The following BIRC6 variants were observed in gnomAD, a reference collection of about 807,000 sequenced individuals.
The protein encoded by BIRC6 is dual E2 ubiquitin-conjugating enzyme/E3 ubiquitin-protein ligase BIRC6.
Under a neutral mutation model 503.3 loss-of-function variants are expected in BIRC6, and 98 were observed. The observed-to-expected ratio is 0.19, with a 90% confidence interval of 0.17 to 0.23. BIRC6 has a LOEUF of 0.23. BIRC6 is among the 10% of genes least tolerant of loss of function. BIRC6 has a pLI of 1.00. For missense variants in BIRC6, 5,360 were observed against 5,806.0 expected (o/e 0.92, Z 2.50); for synonymous variants, 2,240 against 2,078.7 (o/e 1.08, Z -2.11).
intron 23 of BIRC6, among the ~76,000 whole-genome samples, 200 bp from the exon 24 acceptor site, chr2:32,462,994 T>A: frequency 6.6e-6 from 1 of 151,836 alleles, no homozygotes; most frequent in East Asian, 1.9e-4. Flanking sequence ...ATTTCCTAGA[T>A]CTTGAATGAT....
chr2:32,596,906 A>G (rs1446582524), intron 68 of BIRC6, among the ~76,000 whole-genome samples: 2 of 152,194 alleles, frequency 1.3e-5, no homozygotes, highest in Non-Finnish European at 2.9e-5. Context: ...TAAAGTTACT[A>G]CCTGTCAGAA....
intron 61 of BIRC6, among the ~76,000 whole-genome samples, chr2:32,541,769 T>C (rs1340878122): frequency 6.6e-6 from 1 of 152,122 alleles, no homozygotes; most frequent in East Asian, 1.9e-4. Context: ...TTGGAGTTTT[T>C]CTTTGAATTA....
chr2:32,411,629 C>A (rs2041897352), intron 9 of BIRC6, among the ~76,000 whole-genome samples: 1 of 151,586 alleles, frequency 6.6e-6, no homozygotes, highest in African/African-American at 2.4e-5. Context: ...AGGCATGTAC[C>A]ACCATGCCTG....
Position 32,531,989 on chromosome 2 carries a change from C to T in BIRC6, c.12291+438C>T, listed in dbSNP as rs144822936. On this transcript the variant is annotated intron_variant, in intron 61 of 73. Transcript: ENST00000421745. ...GGTGGTTTAAAAACATGACCTATTC[C>T]CGTGTTCATTTACGAAGCTGTCAAT... Among the ~76,000 whole-genome samples the T allele has an allele frequency of 2.4e-3, 360 of 152,230 alleles. 1 individual carries two copies. Among genetic ancestry groups the T allele is most frequent in the African/African-American group, 8.4e-3 (348 of 41,526 alleles).
intron 8 of BIRC6, among the ~76,000 whole-genome samples, chr2:32,403,369 A>G (rs1272969830): frequency 6.6e-6 from 1 of 152,242 alleles, no homozygotes; most frequent in Non-Finnish European, 1.5e-5. Flanking sequence ...TAAAGTAATT[A>G]GCAATATAGT....
rs1382614424 is a variant in BIRC6 at position 32,388,838 on chromosome 2, A to G, written c.734A>G (p.Asn245Ser). 1 of 1,613,518 alleles carries G rather than the reference A, an allele frequency of 6.2e-7. No individual in the cohort carries two copies. Among genetic ancestry groups the G allele is most frequent in the Non-Finnish European group, 8.5e-7 (1 of 1,179,638 alleles). Residue 245 changes from asparagine to serine, a missense_variant, in exon 4 of 74, where the codon AAT becomes AGT. Physicochemically the swap from Asn to Ser is conservative, Grantham distance 46. Coordinates refer to ENST00000421745, the MANE Select transcript of BIRC6 (RefSeq NM_016252.4). ...IVNELKKINQ[N>S]VAALPVASSV... The stretch of plus-strand genomic sequence containing the variant: ...AATGAACTCAAGAAAATAAATCAAA[A>G]TGTTGCTGCCTTACCTGTGGCGTCC...
Position 32,499,970 on chromosome 2 carries a change from A to C in BIRC6, c.8892A>C (p.Lys2964Asn). 6.2e-7 allele frequency: 1 copy of C among 1,614,028 alleles called. No homozygotes were observed. The highest frequency in any genetic ancestry group is 8.5e-7 in the Non-Finnish European group (1 of 1,179,886). The change falls in exon 46 of 74, where the codon AAA becomes AAC. Residue 2964 changes from lysine to asparagine, a missense_variant. Physicochemically the swap from Lys to Asn is moderately conservative, Grantham distance 94. Around this residue, in one of 16 missense-constraint regions of BIRC6, gnomAD observed 2,299 missense variants for 2,267.2 expected, o/e 1.01. Transcript: ENST00000421745. ...ATGAAGAAAAAGTCTCAGGAGGCAA[A>C]GATGGCAATGGAAGCAGTACCAGTG... ...VSDEEKVSGG[K>N]DGNGSSTSVQ...
intron 45 of BIRC6, among the ~76,000 whole-genome samples, chr2:32,498,330 G>GC (rs2052735632): frequency 6.6e-6 from 1 of 152,150 alleles, no homozygotes; most frequent in Non-Finnish European, 1.5e-5. Context: ...GGCATTACAG[G>GC]CATGAGCCAC....
chr2:32,566,615 A>C (rs763004407), intron 65 of BIRC6, among the ~76,000 whole-genome samples: 10 of 152,032 alleles, frequency 6.6e-5, no homozygotes, highest in Non-Finnish European at 1.5e-4. Flanking sequence ...CAGCCTTCCA[A>C]ATCCTGGGAT....
intron 22 of BIRC6, among the ~76,000 whole-genome samples, chr2:32,452,795 G>T (rs2046858870): frequency 6.6e-6 from 1 of 152,002 alleles, no homozygotes; most frequent in African/African-American, 2.4e-5. Flanking sequence ...CACTAACATA[G>T]AATATAGTCT....
intron 66 of BIRC6, among the ~76,000 whole-genome samples, chr2:32,580,940 C>T (rs889938381): frequency 6.6e-6 from 1 of 152,164 alleles, no homozygotes; most frequent in Non-Finnish European, 1.5e-5. Flanking sequence ...GGATCTCCTT[C>T]AATAGAGTAC....
intron 61 of BIRC6, among the ~76,000 whole-genome samples, chr2:32,539,847 C>G (rs2057522246): frequency 6.6e-6 from 1 of 151,884 alleles, no homozygotes; most frequent in African/African-American, 2.4e-5. Context: ...CAAAGAGAAA[C>G]AAGAAAGTCG....
intron 42 of BIRC6, among the ~76,000 whole-genome samples, chr2:32,489,144 A>G (rs143131851): frequency 0.014 from 2,063 of 152,078 alleles, 17 homozygotes; most frequent in Non-Finnish European, 0.02. Context: ...AAATATGAGT[A>G]TGGGAATGGT....
At position 32,397,582 on chromosome 2, in the gene BIRC6, GT is replaced by G. The variant is rs1573924147; in HGVS notation, c.1034+1990del. Among the ~76,000 whole-genome samples the G allele has an allele frequency of 4.1e-5, 6 of 145,098 alleles. No homozygotes were observed. The East Asian group carries it at 1.2e-3, about 29-fold the overall frequency. On this transcript the variant is annotated intron_variant, in intron 6 of 73. Transcript: ENST00000421745. Reference sequence around the variant, plus strand: ...GTCTTTCCCCGTAAAGGCTGTGTGTGTGTGTGTGTGTGTGTGTGTGTGTATA... The same window carrying G: ...GTCTTTCCCCGTAAAGGCTGTGTGTGGTGTGTGTGTGTGTGTGTGTGTATA...
At chr2:32,419,272 A>T (rs2042697867) in intron 10 of BIRC6, among the ~76,000 whole-genome samples, 1 of 152,228 alleles carries the variant, frequency 6.6e-6, no homozygotes. Flanking sequence ...TATTCAAATA[A>T]CATAAAACTA....
intron 22 of BIRC6, among the ~76,000 whole-genome samples, chr2:32,451,801 C>G (rs990994686): frequency 6.6e-6 from 1 of 152,168 alleles, no homozygotes; most frequent in African/African-American, 2.4e-5. Flanking sequence ...AGAAACATCT[C>G]CCATAGTGAG....
chr2:32,617,660 C>T, intron 73 of BIRC6, 65 bp from the exon 74 acceptor site: 1 of 1,483,628 alleles, frequency 6.7e-7, no homozygotes, highest in Non-Finnish European at 9.1e-7. Flanking sequence ...AATTCAGTTC[C>T]TGCCTCAAAT....
chr2:32,367,671 C>T (rs965423673), intron 1 of BIRC6, among the ~76,000 whole-genome samples: 2 of 151,924 alleles, frequency 1.3e-5, no homozygotes, highest in Admixed American at 1.3e-4. Context: ...CAAAAATTAG[C>T]TGGGTGTGGT....
intron 72 of BIRC6, 26 bp downstream of exon 72, chr2:32,607,669 A>G (rs1368019448): frequency 1.3e-6 from 2 of 1,564,270 alleles, no homozygotes; most frequent in Non-Finnish European, 1.7e-6. Context: ...TTAGTGAAAT[A>G]CTTTGTTAAA....
Sources: gnomAD v4.1 joint callset for allele counts (sites outside exome capture counted in the v4.1 genomes callset) on GRCh38, gnomAD v4.1.1 for gene constraint, gnomAD v4.1.1 regional missense constraint, MANE v1.5 for transcripts, NCBI Gene and HGNC (gene_info 2026-07-23, HGNC 2026-07-21) for gene names.